The following MALSU1 variants were observed in gnomAD, a reference collection of about 807,000 sequenced individuals.
MALSU1 encodes the protein mitochondrial assembly of ribosomal large subunit 1, also known as mitochondrial assembly of ribosomal large subunit protein 1.
Under a neutral mutation model 22.1 loss-of-function variants are expected in MALSU1, and 22 were observed. That is an observed-to-expected ratio of 1.00 (90% CI 0.71 to 1.42). The LOEUF is 1.42. MALSU1 is among the 40% of genes most tolerant of loss of function. The probability of loss-of-function intolerance (pLI) is 0.00; values close to 1 mark genes in which losing one functional copy is unlikely to be tolerated. For synonymous variants in MALSU1, 153 were observed against 118.5 expected, an observed-to-expected ratio of 1.29 and a Z score of -1.89; for missense variants, 379 against 308.3, an observed-to-expected ratio of 1.23 and a Z score of -1.72.
intron 2 of MALSU1, 120 bp downstream of exon 2, chr7:23,301,137 A>G: frequency 1.2e-6 from 1 of 840,968 alleles, no homozygotes; most frequent in East Asian, 2.5e-5. Flanking sequence ...AGAAGCCCAA[A>G]TTTTCAGAAT....
At chr7:23,308,841 C>T (rs937518854) in intron 3 of MALSU1, among the ~76,000 whole-genome samples, 10 of 152,038 alleles carry the variant, frequency 6.6e-5, no homozygotes, top group South Asian at 2.1e-4. Flanking sequence ...GTGCACGGTA[C>T]GATGTTTAGC....
rs141620829 is a variant in MALSU1, at chr7:23,299,535, G to A, written c.183G>A (p.Leu61=). 238 of 1,612,246 alleles carry A rather than the reference G, an allele frequency of 1.5e-4. No individual in the cohort carries two copies. Among genetic ancestry groups the A allele is most frequent in the Non-Finnish European group, 1.9e-4 (229 of 1,179,628 alleles). Residue 61 remains leucine (L), a synonymous_variant, in exon 1 of 4, where the codon CTG becomes CTA. Transcript: ENST00000466681. The part of the protein sequence containing the change: ...ACQTPNFVRG[L]HSEPGLEERA... ...AGACCCCAAACTTTGTCCGCGGCCT[G>A]CACAGCGAGCCTGGGCTGGAGGAGC...
chr7:23,304,988 A>G (rs1783705914), intron 2 of MALSU1, among the ~76,000 whole-genome samples: 1 of 152,190 alleles, frequency 6.6e-6, no homozygotes, highest in Non-Finnish European at 1.5e-5. Context: ...TATTATATCT[A>G]ATAAATAATT....
chr7:23,302,355 T>TAC (rs1379054286), intron 2 of MALSU1, among the ~76,000 whole-genome samples: 22 of 152,308 alleles, frequency 1.4e-4, no homozygotes, highest in African/African-American at 5.3e-4. Context: ...TTAGTCTTAG[T>TAC]CTGTTGAGAA....
At chr7:23,302,797 A>G (rs906014591) in intron 2 of MALSU1, among the ~76,000 whole-genome samples, 3 of 152,088 alleles carry the variant, frequency 2.0e-5, no homozygotes, top group Non-Finnish European at 4.4e-5. Flanking sequence ...TTTTTTGGAG[A>G]CAAGAGTCTC....
intron 3 of MALSU1, among the ~76,000 whole-genome samples, chr7:23,308,830 T>G (rs756658048): frequency 1.3e-5 from 2 of 152,214 alleles, no homozygotes; most frequent in Non-Finnish European, 2.9e-5. Context: ...GGGTGTCTCT[T>G]GTGCACGGTA....
intron 2 of MALSU1, among the ~76,000 whole-genome samples, chr7:23,301,967 CAAA>C (rs754165826): frequency 2.0e-5 from 2 of 97,800 alleles, no homozygotes; most frequent in Non-Finnish European, 4.5e-5. Context: ...GACTCTGTCT[CAAA>C]AAAAAAAAAA....
chr7:23,308,337 C>T (rs952700986), intron 3 of MALSU1, among the ~76,000 whole-genome samples: 1 of 151,968 alleles, frequency 6.6e-6, no homozygotes, highest in African/African-American at 2.4e-5. Context: ...GAGGTTATTC[C>T]AGGCACAAAA....
intron 1 of MALSU1, among the ~76,000 whole-genome samples, chr7:23,300,112 G>C (rs1309376504): frequency 6.6e-6 from 1 of 152,130 alleles, no homozygotes; most frequent in Non-Finnish European, 1.5e-5. Context: ...AGTGGGCTTA[G>C]CTACTAGGTC....
At chr7:23,301,288 T>G (rs967963349) in intron 2 of MALSU1, 6 of 254,862 alleles carry the variant, frequency 2.4e-5, no homozygotes, top group Non-Finnish European at 4.5e-5. Context: ...GAGATGGAGT[T>G]TTGCTCTTGT....
chr7:23,308,151 A>G (rs1783748011), intron 3 of MALSU1, among the ~76,000 whole-genome samples: 1 of 152,230 alleles, frequency 6.6e-6, no homozygotes, highest in African/African-American at 2.4e-5. Context: ...TAACCAAACC[A>G]AAGTACCCTA....
intron 3 of MALSU1, among the ~76,000 whole-genome samples, chr7:23,308,822 GTGTCTCTTGTGCACGGTACGA>G (rs1783760514): frequency 6.6e-6 from 1 of 152,152 alleles, no homozygotes; most frequent in Non-Finnish European, 1.5e-5. Context: ...TGGGGGAGGG[GTGTCTCTTGTGCACGGTACGA>G]TGTTTAGCAG....
Sources: gnomAD v4.1 joint callset for allele counts (sites outside exome capture counted in the v4.1 genomes callset) on GRCh38, gnomAD v4.1.1 for gene constraint, MANE v1.5 for transcripts, NCBI Gene and HGNC (gene_info 2026-07-23, HGNC 2026-07-21) for gene names.